Variants in CCDC92 observed in about 807,000 individuals in gnomAD.
CCDC92 encodes coiled-coil domain-containing protein 92.
CCDC92 carries 12 observed loss-of-function variants against 24.9 expected under a neutral mutation model. The observed-to-expected ratio is 0.48, with a 90% CI of 0.31 to 0.78. The LOEUF (loss-of-function observed/expected upper bound fraction) is 0.78. Ranked by LOEUF, CCDC92 falls within the 30% of genes least tolerant of loss-of-function variation. The probability of loss-of-function intolerance (pLI) is 0.05; values close to 1 mark genes in which losing one functional copy is unlikely to be tolerated. For synonymous variants in CCDC92, 193 were observed against 196.3 expected (o/e 0.98, Z 0.14); for missense variants, 399 against 439.4 (o/e 0.91, Z 0.82).
At chr12:123,939,627 A>ATG (rs1955625283) in intron 4 of CCDC92, among the ~76,000 whole-genome samples, 1 of 152,216 alleles carries the variant, frequency 6.6e-6, no homozygotes, top group Non-Finnish European at 1.5e-5. Flanking sequence ...TTTAAAAACC[A>ATG]TGTGTCTGTG....
chr12:123,955,997 C>A (rs1956141682), intron 1 of CCDC92, among the ~76,000 whole-genome samples: 1 of 152,140 alleles, frequency 6.6e-6, no homozygotes, highest in South Asian at 2.1e-4. Flanking sequence ...AAAAGCAAGC[C>A]AACTCTTCCA....
At position 123,935,688 on chromosome 12, in the gene CCDC92, T is replaced by TAATC. The variant is rs1346485834; in HGVS notation, c.*1366_*1369dup. 4 of 479,908 alleles carry TAATC rather than the reference T, an allele frequency of 8.3e-6. No individual in the cohort carries two copies. The highest frequency in any genetic ancestry group is 1.9e-5 in the African/African-American group (1 of 52,136). 29.7% of individuals were successfully genotyped at this position (479,908 alleles called of 1,614,324 possible). A position where few individuals can be genotyped will look rare whatever the true frequency, so the allele number is the denominator to read the frequency against. ...TACTACTTTTTAAAAGGAATTTATA[T>TAATC]AATCAAAAAGTAAATATTGGAGAGT... On this transcript the variant is annotated 3_prime_UTR_variant, in exon 5 of 5. Transcript: ENST00000238156.
intron 4 of CCDC92, among the ~76,000 whole-genome samples, chr12:123,940,240 A>G (rs1254849398): frequency 4.6e-5 from 7 of 152,232 alleles, no homozygotes; most frequent in African/African-American, 7.2e-5. Context: ...GAGATGTCAA[A>G]GAACCTGCCC....
intron 1 of CCDC92, among the ~76,000 whole-genome samples, chr12:123,957,699 C>CTTTTTTTTTTTT (rs59738995): frequency 2.6e-5 from 2 of 75,912 alleles, no homozygotes; most frequent in Non-Finnish European, 4.8e-5. Context: ...TTTTTTCCTT[C>CTTTTTTTTTTTT]TTTTTTTTTT....
At position 123,936,171 on chromosome 12, in the gene CCDC92, G is replaced by A. The variant is rs1267506269; in HGVS notation, c.*887C>T. Reference sequence around the variant, plus strand: ...CCCTGGCTGGCCACCTGGAGGTGAGGGGTGGCTTCACTCCATGAGGGAGGA... The same window carrying A: ...CCCTGGCTGGCCACCTGGAGGTGAGAGGTGGCTTCACTCCATGAGGGAGGA... On this transcript the variant is annotated 3_prime_UTR_variant, in exon 5 of 5. Coordinates refer to ENST00000238156, the MANE Select transcript of CCDC92 (RefSeq NM_025140.3). 1 of 152,660 alleles carries A rather than the reference G, an allele frequency of 6.6e-6. No individual in the cohort carries two copies. The highest frequency in any genetic ancestry group is 1.9e-4 in the East Asian group (1 of 5,208). The allele number at this position is 152,660 out of a possible 1,614,324, so 9.5% of individuals were successfully genotyped here.
intron 1 of CCDC92, among the ~76,000 whole-genome samples, chr12:123,963,641 T>C (rs1001334418): frequency 7.2e-5 from 11 of 152,238 alleles, no homozygotes; most frequent in African/African-American, 2.7e-4. Flanking sequence ...TTTTCTTCTA[T>C]GAACGCTAAA....
chr12:123,955,344 A>G (rs1956125359), intron 1 of CCDC92, among the ~76,000 whole-genome samples: 1 of 152,204 alleles, frequency 6.6e-6, no homozygotes. Flanking sequence ...ATTACTGCCA[A>G]TTTTAATTGT....
At chr12:123,943,718 T>G in intron 2 of CCDC92, 1 of 594,804 alleles carries the variant, frequency 1.7e-6, no homozygotes, top group South Asian at 2.0e-5. Flanking sequence ...CCTTGGGGTG[T>G]GCCCTAGCAC....
chr12:123,961,725 A>C, intron 1 of CCDC92, among the ~76,000 whole-genome samples: 1 of 152,224 alleles, frequency 6.6e-6, no homozygotes, highest in East Asian at 1.9e-4. Context: ...AAGAATCAAC[A>C]TGGAATCACC....
chr12:123,953,610 A>G (rs1956080274), intron 1 of CCDC92, among the ~76,000 whole-genome samples: 1 of 152,038 alleles, frequency 6.6e-6, no homozygotes, highest in African/African-American at 2.4e-5. Flanking sequence ...AACTCTGTCT[A>G]TACTAAAAAT....
chr12:123,938,594 C>T (rs1347555526), intron 4 of CCDC92, among the ~76,000 whole-genome samples: 7 of 152,216 alleles, frequency 4.6e-5, no homozygotes, highest in Admixed American at 4.6e-4. Flanking sequence ...GCTCTAAACC[C>T]TGGGTCACCA....
chr12:123,955,835 A>G (rs866008418), intron 1 of CCDC92, among the ~76,000 whole-genome samples: 7 of 152,316 alleles, frequency 4.6e-5, no homozygotes, highest in Middle Eastern at 6.8e-3. Context: ...CAAAAAGTAA[A>G]AGAGTCCATG....
chr12:123,962,843 G>T (rs1158904198), intron 1 of CCDC92: 1 of 151,868 alleles, frequency 6.6e-6, no homozygotes, highest in Non-Finnish European at 1.5e-5. Flanking sequence ...GCTGATGCAA[G>T]ATATAGGTTT....
At chr12:123,953,948 C>A (rs1418355982) in intron 1 of CCDC92, among the ~76,000 whole-genome samples, 1 of 152,196 alleles carries the variant, frequency 6.6e-6, no homozygotes, top group Non-Finnish European at 1.5e-5. Context: ...AAGAGGGAAA[C>A]TCCATCTCAA....
chr12:123,937,138 C>G lies in CCDC92; in HGVS notation c.916G>C (p.Glu306Gln). ...HHATPPQAQPEVKTLAVDQVN... is the reference protein window; with the variant it reads ...HHATPPQAQPQVKTLAVDQVN... ...TGGTCGACCGCCAGGGTCTTCACCTCGGGCTGGGCCTGCGGCGGGGTGGCG... is the reference window on the plus strand; with the variant it reads ...TGGTCGACCGCCAGGGTCTTCACCTGGGGCTGGGCCTGCGGCGGGGTGGCG... The change falls in exon 5 of 5, where the codon GAG (glutamate) becomes CAG (glutamine). Residue 306 changes from glutamate (E) to glutamine (Q), a missense_variant. By Grantham distance (29) the Glu-to-Gln change is conservative. Transcript: ENST00000238156. This position sits in a 1 kb window ranked among gnomAD's most constrained non-coding sequence, Gnocchi z 8.4. The G allele has an allele frequency of 6.2e-7, 1 of 1,613,216 alleles. No individual in the cohort carries two copies. The highest frequency in any genetic ancestry group is 8.5e-7 in the Non-Finnish European group (1 of 1,179,994).
chr12:123,937,908 A>G lies in CCDC92; in HGVS notation c.224-78T>C. 6.9e-7 allele frequency: 1 copy of G among 1,448,992 alleles called. No individual in the cohort carries two copies. The highest frequency in any genetic ancestry group is 9.3e-7 in the Non-Finnish European group (1 of 1,076,392). 89.8% of individuals were successfully genotyped at this position (1,448,992 alleles called of 1,614,324 possible). The stretch of plus-strand genomic sequence containing the variant: ...GTGGTGAGGCCTATGGGGCAGGCGG[A>G]CCTGTCTGGTGGGGGCCCTGTCTAG... On this transcript the variant is annotated intron_variant, in intron 4 of 4. Transcript: ENST00000238156. This position sits in a 1 kb window ranked among gnomAD's most constrained non-coding sequence, Gnocchi z 8.4.
chr12:123,953,326 C>T (rs1193343834), intron 1 of CCDC92, among the ~76,000 whole-genome samples: 1 of 151,674 alleles, frequency 6.6e-6, no homozygotes, highest in African/African-American at 2.4e-5. Flanking sequence ...GCTAGCATGG[C>T]ACATCTAAAG....
chr12:123,957,919 G>A (rs566440742), intron 1 of CCDC92, among the ~76,000 whole-genome samples: 2 of 151,702 alleles, frequency 1.3e-5, no homozygotes, highest in East Asian at 3.9e-4. Context: ...GGCTGGTCTC[G>A]AATTCCTGAC....
At chr12:123,941,633 A>G (rs1955686971) in intron 4 of CCDC92, among the ~76,000 whole-genome samples, 1 of 152,188 alleles carries the variant, frequency 6.6e-6, no homozygotes, top group South Asian at 2.1e-4. Flanking sequence ...TGCTCTATGT[A>G]TATCTCTATA....
Sources: allele counts gnomAD v4.1 joint callset (sites outside exome capture counted in the v4.1 genomes callset), GRCh38; gene constraint gnomAD v4.1.1; non-coding constraint Gnocchi (gnomAD v3.1); transcripts MANE v1.5; gene names NCBI Gene and HGNC (gene_info 2026-07-23, HGNC 2026-07-21).